ATL1: variants seen among roughly 807,000 people sequenced by gnomAD.
The protein encoded by ATL1 is atlastin GTPase 1.
In ATL1, 31 loss-of-function variants were observed where a neutral mutation model predicts 75.5. The ratio of observed to expected loss-of-function variants is 0.41; its 90% CI spans 0.31 to 0.55. The LOEUF (loss-of-function observed/expected upper bound fraction) is 0.55. ATL1 is among the 20% of genes least tolerant of loss of function. The pLI, the probability that ATL1 is intolerant of heterozygous loss-of-function variation, is 0.27. For missense variants in ATL1, 405 were observed against 662.6 expected, an observed-to-expected ratio of 0.61 and a Z score of 4.27; for synonymous variants, 226 against 233.3, an observed-to-expected ratio of 0.97 and a Z score of 0.28.
In ATL1 at chr14:50,541,994, G is replaced by A. The variant is rs201052297; in HGVS notation, c.-140+8627G>A. Among the ~76,000 whole-genome samples, 2 of 103,428 alleles carry A rather than the reference G, an allele frequency of 1.9e-5. 1 individual carries two copies. Among genetic ancestry groups the A allele is most frequent in the South Asian group, 7.0e-4 (2 of 2,848 alleles). 67.9% of individuals were successfully genotyped at this position (103,428 alleles called of 152,430 possible). On this transcript the variant is annotated intron_variant, in intron 1 of 13. Transcript: ENST00000441560. ...TGCACTCCAGCCTGGGCGACAGAGCGAGATTCCGTCTCAAAAAAAAAAAAA... is the reference window on the plus strand; with the variant it reads ...TGCACTCCAGCCTGGGCGACAGAGCAAGATTCCGTCTCAAAAAAAAAAAAA...
intron 7 of ATL1, among the ~76,000 whole-genome samples, chr14:50,613,700 T>TG (rs560709009): frequency 5.3e-4 from 81 of 152,262 alleles, no homozygotes; most frequent in African/African-American, 1.9e-3. Flanking sequence ...CCACTTTCTG[T>TG]GTCGTGCTGG....
At chr14:50,592,869 C>T (rs894742609) in intron 4 of ATL1, among the ~76,000 whole-genome samples, 3 of 146,782 alleles carry the variant, frequency 2.0e-5, no homozygotes, top group Admixed American at 1.4e-4. Context: ...GCCGAGATTG[C>T]GCCACTGCAC....
intron 1 of ATL1, among the ~76,000 whole-genome samples, chr14:50,570,960 C>T (rs2038950077): frequency 6.6e-6 from 1 of 152,120 alleles, no homozygotes; most frequent in Non-Finnish European, 1.5e-5. Context: ...TGAGCCTGTG[C>T]CTTTCCCTGG....
At chr14:50,538,477 A>G (rs2038520938) in intron 1 of ATL1, among the ~76,000 whole-genome samples, 1 of 152,234 alleles carries the variant, frequency 6.6e-6, no homozygotes, top group African/African-American at 2.4e-5. Context: ...TCAACTCACA[A>G]ATTGATTTTG....
At chr14:50,619,926 T>C (rs1566732875) in intron 8 of ATL1, among the ~76,000 whole-genome samples, 1 of 152,176 alleles carries the variant, frequency 6.6e-6, no homozygotes, top group Non-Finnish European at 1.5e-5. Flanking sequence ...TCCCCATTTA[T>C]GAGCCTATAT....
chr14:50,585,033 G>T (rs1347884128), intron 1 of ATL1, among the ~76,000 whole-genome samples: 2 of 152,000 alleles, frequency 1.3e-5, no homozygotes, highest in Non-Finnish European at 2.9e-5. Flanking sequence ...ACGGATAAAA[G>T]GAGTACTTAT....
At chr14:50,606,044 T>C (rs2039314950) in intron 6 of ATL1, among the ~76,000 whole-genome samples, 1 of 151,954 alleles carries the variant, frequency 6.6e-6, no homozygotes, top group Non-Finnish European at 1.5e-5. Context: ...GCAGAAGGAA[T>C]TGAAGGGATG....
Position 50,592,907 on chromosome 14 carries a change from C to G in ATL1, c.523-939C>G, listed in dbSNP as rs1341602621. Among the ~76,000 whole-genome samples, 108 of 123,320 alleles carry G rather than the reference C, an allele frequency of 8.8e-4. 2 individuals carry two copies. Among genetic ancestry groups the G allele is most frequent in the Non-Finnish European group, 6.5e-4 (40 of 61,770 alleles). 80.9% of individuals were successfully genotyped at this position (123,320 alleles called of 152,430 possible). ...CAACCTGGGTGACAGGGCGAGACTC[C>G]CGTCTCAAAAAAAAAAAAAAAAATA... On this transcript the variant is annotated intron_variant, in intron 4 of 13. Transcript: ENST00000358385.
At chr14:50,602,724 C>A (rs1166809699) in intron 6 of ATL1, among the ~76,000 whole-genome samples, 1 of 151,924 alleles carries the variant, frequency 6.6e-6, no homozygotes, top group Non-Finnish European at 1.5e-5. Flanking sequence ...ATTTCTGGAC[C>A]TTTTTGAGGC....
chr14:50,591,507 A>T, intron 3 of ATL1, 28 bp from the exon 4 acceptor site: 1 of 1,458,620 alleles, frequency 6.9e-7, no homozygotes, highest in Non-Finnish European at 9.6e-7. Context: ...TCTATAAAAT[A>T]TCAATAATGT....
intron 1 of ATL1, among the ~76,000 whole-genome samples, chr14:50,576,200 T>G (rs1241502660): frequency 6.6e-6 from 1 of 152,210 alleles, no homozygotes; most frequent in Non-Finnish European, 1.5e-5. Context: ...TCTCACCCAG[T>G]TGTAGGCTAA....
At chr14:50,538,662 A>G (rs1019484429) in intron 1 of ATL1, among the ~76,000 whole-genome samples, 3 of 152,208 alleles carry the variant, frequency 2.0e-5, no homozygotes, top group African/African-American at 4.8e-5. Flanking sequence ...CTGGGATCCT[A>G]TCTTACAGCT....
At chr14:50,583,164 G>A (rs1047883487) in intron 1 of ATL1, among the ~76,000 whole-genome samples, 2 of 152,084 alleles carry the variant, frequency 1.3e-5, no homozygotes, top group African/African-American at 2.4e-5. Flanking sequence ...AGGAAGTTAT[G>A]CCTACTGAAA....
At chr14:50,567,979 G>C in intron 1 of ATL1, among the ~76,000 whole-genome samples, 1 of 152,160 alleles carries the variant, frequency 6.6e-6, no homozygotes, top group East Asian at 1.9e-4. Context: ...TAGAATGTCT[G>C]TATTTGTCTG....
chr14:50,540,809 T>C (rs1206505756), intron 1 of ATL1, among the ~76,000 whole-genome samples: 1 of 152,206 alleles, frequency 6.6e-6, no homozygotes, highest in Non-Finnish European at 1.5e-5. Flanking sequence ...GTAACCTCCC[T>C]AGCTAACTTC....
chr14:50,624,359 T>C (rs778307253), intron 11 of ATL1, among the ~76,000 whole-genome samples: 35 of 152,152 alleles, frequency 2.3e-4, no homozygotes, highest in Non-Finnish European at 4.0e-4. Context: ...TTTTTCAAAC[T>C]TTTTCATTAT....
chr14:50,570,664 A>G lies in ATL1; in HGVS notation c.34+10365A>G, dbSNP rs116629969. On this transcript the variant is annotated intron_variant, in intron 1 of 13. Coordinates refer to ENST00000358385, the MANE Select transcript of ATL1 (RefSeq NM_015915.5). ...CTGGTTCTTTGAGTATTTATAAGAC[A>G]GTGGTTTTAAAGTAATTGTTGAGTA... is the stretch of plus-strand genomic sequence containing the variant. Among the ~76,000 whole-genome samples, 538 of 152,262 alleles carry G rather than the reference A, an allele frequency of 3.5e-3. 3 individuals carry two copies. The highest frequency in any genetic ancestry group is 0.012 in the African/African-American group (510 of 41,536).
chr14:50,594,158 G>C (rs959533589), intron 5 of ATL1, among the ~76,000 whole-genome samples: 1 of 152,240 alleles, frequency 6.6e-6, no homozygotes, highest in Admixed American at 6.5e-5. Flanking sequence ...GGGGAAGAAG[G>C]CACCTTCTTC....
chr14:50,554,873 T>C (rs561608724), intron 1 of ATL1, among the ~76,000 whole-genome samples: 24 of 152,302 alleles, frequency 1.6e-4, no homozygotes, highest in African/African-American at 5.3e-4. Flanking sequence ...GAGAACATTT[T>C]TCTATACAGT....
Sources: allele counts gnomAD v4.1 joint callset (sites outside exome capture counted in the v4.1 genomes callset), GRCh38; gene constraint gnomAD v4.1.1; transcripts MANE v1.5; gene names NCBI Gene and HGNC (gene_info 2026-07-23, HGNC 2026-07-21).